Variants in ZNF644 observed in about 807,000 individuals in gnomAD.
ZNF644 encodes zinc finger protein 644.
In ZNF644, 20 loss-of-function variants were observed where a neutral mutation model predicts 108.0. The observed-to-expected ratio is 0.19, with a 90% confidence interval of 0.13 to 0.27. The LOEUF is 0.27. Among genes scored for constraint, ZNF644 ranks in the 10% least tolerant of loss-of-function variants. ZNF644 has a pLI of 1.00. For missense variants in ZNF644, 1,338 were observed against 1,548.9 expected (o/e 0.86, Z 2.29); for synonymous variants, 542 against 539.1 (o/e 1.01, Z -0.08).
At chr1:90,925,990 C>T (rs1649990209) in intron 4 of ZNF644, among the ~76,000 whole-genome samples, 1 of 152,084 alleles carries the variant, frequency 6.6e-6, no homozygotes, top group East Asian at 1.9e-4. Context: ...CTCGTTAGGT[C>T]CCCTCCCTCA....
chr1:90,991,025 T>C (rs1352734788), intron 1 of ZNF644, among the ~76,000 whole-genome samples: 4 of 152,232 alleles, frequency 2.6e-5, no homozygotes, highest in Non-Finnish European at 5.9e-5. Flanking sequence ...TCTCACTGTA[T>C]ACTTTAAATA....
At chr1:90,996,784 T>C (rs868087018) in intron 1 of ZNF644, among the ~76,000 whole-genome samples, 1 of 152,012 alleles carries the variant, frequency 6.6e-6, no homozygotes. Flanking sequence ...CACTGCTTTA[T>C]AACTAAAAAC....
Position 90,938,526 on chromosome 1 carries a change from T to C in ZNF644, c.2828A>G (p.Asp943Gly). The stretch of plus-strand genomic sequence containing the variant: ...AGAACTATGCTTTGACAATGAAGCA[T>C]CTGCAGTTTCTAAATGCTGAGGATC... The part of the protein sequence containing the change: ...IHDPQHLETA[D>G]ASLSKHSSVF... Residue 943 changes from aspartate to glycine, a missense_variant, in exon 3 of 6, where the codon GAT becomes GGT. Transcript: ENST00000337393. The surrounding 1 kb of genome is among the most constrained non-coding windows in gnomAD (Gnocchi z 4.2). The C allele has an allele frequency of 6.2e-7, 1 of 1,613,992 alleles. No homozygotes were observed. The highest frequency in any genetic ancestry group is 1.3e-5 in the African/African-American group (1 of 75,044).
At chr1:91,021,107 G>C (rs1478733865) in intron 1 of ZNF644, 1 of 152,190 alleles carries the variant, frequency 6.6e-6, no homozygotes, top group Non-Finnish European at 1.5e-5. Flanking sequence ...AAGAGTCTGG[G>C]ACAACTCATC....
chr1:90,966,433 T>C (rs1033952287), intron 2 of ZNF644, among the ~76,000 whole-genome samples: 16 of 152,042 alleles, frequency 1.1e-4, no homozygotes, highest in Non-Finnish European at 2.1e-4. Context: ...TTTTGAGCCA[T>C]AGGTTAAGGT....
At chr1:90,917,052 CA>C (rs1648848755) in intron 5 of ZNF644, 62 bp from the exon 6 acceptor site, 1 of 1,531,728 alleles carries the variant, frequency 6.5e-7, no homozygotes, top group Admixed American at 1.7e-5. Context: ...CTAATTCACA[CA>C]AAATCCTAAA....
At chr1:90,994,574 G>A (rs1449156861) in intron 1 of ZNF644, among the ~76,000 whole-genome samples, 1 of 152,210 alleles carries the variant, frequency 6.6e-6, no homozygotes. Flanking sequence ...AAAGTAGGCA[G>A]AAACTAGAAA....
At chr1:90,924,923 C>T (rs1259115058) in intron 4 of ZNF644, among the ~76,000 whole-genome samples, 1 of 152,126 alleles carries the variant, frequency 6.6e-6, no homozygotes, top group African/African-American at 2.4e-5. Context: ...ATAAGCCATC[C>T]TTTTGCCCTA....
chr1:90,978,158 C>T (rs568386288), intron 2 of ZNF644, among the ~76,000 whole-genome samples: 19 of 152,172 alleles, frequency 1.2e-4, no homozygotes, highest in African/African-American at 3.9e-4. Flanking sequence ...TTGAGACCAG[C>T]GTGGCCAACA....
rs762986833 is a variant in ZNF644, at chr1:91,013,277, T to C, written c.-18+8713A>G. ...TCAGTAGAGACGGGATATTTCATCA[T>C]ATTGGCCAAGCTGGTCTCAAACTCC... On this transcript the variant is annotated intron_variant, in intron 1 of 5. Coordinates refer to ENST00000337393, the MANE Select transcript of ZNF644 (RefSeq NM_201269.3). 3.3e-5 allele frequency among the ~76,000 whole-genome samples: 5 copies of C among 152,072 alleles called. No individual in the cohort carries two copies. The East Asian group carries it at 5.8e-4, about 18-fold the overall frequency.
At chr1:90,987,004 T>C (rs1269703065) in intron 1 of ZNF644, among the ~76,000 whole-genome samples, 2 of 150,450 alleles carry the variant, frequency 1.3e-5, no homozygotes, top group Non-Finnish European at 3.0e-5. Flanking sequence ...CATTACGTTA[T>C]GAGATGCAAC....
intron 1 of ZNF644, among the ~76,000 whole-genome samples, chr1:90,984,333 C>T (rs1656869705): frequency 6.6e-6 from 1 of 152,150 alleles, no homozygotes; most frequent in African/African-American, 2.4e-5. Flanking sequence ...ATACTACAGA[C>T]TGGGTGGCTT....
rs1553151491 is a variant in ZNF644 at position 90,950,329 on chromosome 1, G to GAAAAGAAAAC, written c.45-9021_45-9020insGTTTTCTTTT. Among the ~76,000 whole-genome samples, 97 of 91,536 alleles carry GAAAAGAAAAC rather than the reference G, an allele frequency of 1.1e-3. 2 individuals carry two copies. Among genetic ancestry groups the GAAAAGAAAAC allele is most frequent in the African/African-American group, 3.5e-3 (80 of 22,546 alleles). 60.1% of individuals were successfully genotyped at this position (91,536 alleles called of 152,430 possible). ...GGGGACAAAAGAAAAGAAAACAAAA[G>GAAAAGAAAAC]AAAAGAAAAGAAAAGAAAAGAAAAG... On this transcript the variant is annotated intron_variant, in intron 2 of 5. Coordinates refer to ENST00000337393, the MANE Select transcript of ZNF644 (RefSeq NM_201269.3).
At position 90,940,518 on chromosome 1, in the gene ZNF644, G is replaced by A. The variant is rs780333446; in HGVS notation, c.836C>T (p.Ala279Val). The change falls in exon 3 of 6, where the codon GCT (alanine) becomes GTT (valine). Residue 279 changes from alanine (A) to valine (V), a missense_variant. By Grantham distance (64) the Ala-to-Val change is moderately conservative. This residue lies in a region of ZNF644 where 464 missense variants were observed against 457.9 expected (regional missense o/e 1.01). Transcript: ENST00000337393. ...TAGACCTATTTTAGAATGAGGTGGA[G>A]CTTTATCTACTGTTTCCTCATTAGT... Reference protein sequence around the residue: ...LMTNEETVDKAPPHSKIGLEK... With the variant: ...LMTNEETVDKVPPHSKIGLEK... 1.2e-6 allele frequency: 2 copies of A among 1,613,738 alleles called. No individual in the cohort carries two copies. The highest frequency in any genetic ancestry group is 2.2e-5 in the South Asian group (2 of 91,064).
chr1:90,923,818 T>G (rs559986650), intron 4 of ZNF644, among the ~76,000 whole-genome samples: 20 of 152,254 alleles, frequency 1.3e-4, no homozygotes, highest in African/African-American at 4.8e-4. Flanking sequence ...AGGTTTGTGG[T>G]TTTACAATTA....
At chr1:90,999,689 A>G (rs1658555294) in intron 1 of ZNF644, among the ~76,000 whole-genome samples, 1 of 152,232 alleles carries the variant, frequency 6.6e-6, no homozygotes, top group Non-Finnish European at 1.5e-5. Context: ...ACATAACAAT[A>G]TTAACCTTAA....
At chr1:91,002,679 G>T (rs1241673613) in intron 1 of ZNF644, among the ~76,000 whole-genome samples, 2 of 152,126 alleles carry the variant, frequency 1.3e-5, no homozygotes, top group Non-Finnish European at 2.9e-5. Context: ...ATTGACAAAT[G>T]GGATCTAATT....
chr1:91,006,382 C>A (rs1659418812), intron 1 of ZNF644, among the ~76,000 whole-genome samples: 1 of 152,188 alleles, frequency 6.6e-6, no homozygotes, highest in Non-Finnish European at 1.5e-5. Flanking sequence ...GCACTCCAGC[C>A]TGGGCAACAG....
intron 4 of ZNF644, among the ~76,000 whole-genome samples, chr1:90,929,021 T>C (rs958996640): frequency 4.6e-5 from 7 of 152,190 alleles, no homozygotes; most frequent in African/African-American, 7.2e-5. Flanking sequence ...ACTCAAACTT[T>C]TGTTGAATGA....
Sources: allele counts gnomAD v4.1 joint callset (sites outside exome capture counted in the v4.1 genomes callset), GRCh38; gene constraint gnomAD v4.1.1; regional missense constraint gnomAD v4.1.1; non-coding constraint Gnocchi (gnomAD v3.1); transcripts MANE v1.5; gene names NCBI Gene and HGNC (gene_info 2026-07-23, HGNC 2026-07-21).